The following TLN2 variants were observed in gnomAD, a reference collection of about 807,000 sequenced individuals.
The protein encoded by TLN2 is talin-2.
In TLN2, 118 loss-of-function variants were observed where a neutral mutation model predicts 294.7. That is an observed-to-expected ratio of 0.40 (90% CI 0.34 to 0.47). The LOEUF is 0.47. Among genes scored for constraint, TLN2 ranks in the 20% least tolerant of loss-of-function variants. The probability of loss-of-function intolerance (pLI) is 0.84; values close to 1 mark genes in which losing one functional copy is unlikely to be tolerated. For synonymous variants in TLN2, 1,431 were observed against 1,304.5 expected (o/e 1.10, Z -2.09); for missense variants, 3,083 against 3,282.2 (o/e 0.94, Z 1.48).
chr15:62,568,153 T>TG (rs1213022624), intron 1 of TLN2, among the ~76,000 whole-genome samples: 3 of 151,984 alleles, frequency 2.0e-5, no homozygotes, highest in Non-Finnish European at 4.4e-5. Flanking sequence ...GAGTGTGGCT[T>TG]GGGCAAGGAA....
At chr15:62,706,823 T>C (rs1365866493) in intron 19 of TLN2, among the ~76,000 whole-genome samples, 1 of 152,192 alleles carries the variant, frequency 6.6e-6, no homozygotes, top group African/African-American at 2.4e-5. Context: ...GAATCAGTGG[T>C]TAAAATAATG....
intron 1 of TLN2, among the ~76,000 whole-genome samples, chr15:62,462,081 A>G (rs1286013935): frequency 6.6e-6 from 1 of 151,912 alleles, no homozygotes; most frequent in Non-Finnish European, 1.5e-5. Context: ...TACAAAATAC[A>G]AAAATTAGCC....
intron 1 of TLN2, among the ~76,000 whole-genome samples, chr15:62,554,934 C>G (rs1044667866): frequency 1.3e-5 from 2 of 151,610 alleles, no homozygotes; most frequent in Admixed American, 1.3e-4. Flanking sequence ...AATTCGTGTA[C>G]ACTTGCTTTG....
At chr15:62,459,428 A>C (rs1259531313) in intron 1 of TLN2, among the ~76,000 whole-genome samples, 3 of 152,058 alleles carry the variant, frequency 2.0e-5, no homozygotes, top group African/African-American at 7.2e-5. Context: ...GTGTCTTATA[A>C]ATCAGTAACG....
chr15:62,531,558 A>G (rs985532956), intron 1 of TLN2, among the ~76,000 whole-genome samples: 5 of 152,234 alleles, frequency 3.3e-5, no homozygotes, highest in African/African-American at 9.6e-5. Flanking sequence ...TAAATTTCAG[A>G]TATTCTCACC....
chr15:62,780,088 C>T (rs2064026215), intron 43 of TLN2, among the ~76,000 whole-genome samples: 1 of 152,226 alleles, frequency 6.6e-6, no homozygotes, highest in Non-Finnish European at 1.5e-5. Flanking sequence ...GTCATGATTT[C>T]AAGGTTTTCC....
Position 62,708,576 on chromosome 15 carries a change from G to A in TLN2, c.2247G>A (p.Ser749=), listed in dbSNP as rs770627950. The A allele has an allele frequency of 8.1e-6, 13 of 1,614,064 alleles. No homozygotes were observed. Among genetic ancestry groups the A allele is most frequent in the African/African-American group, 6.7e-5 (5 of 74,926 alleles). The part of the protein sequence containing the change: ...LIEAGKLVDR[S]VENCVRACQA... ...AAGCAGGGAAGCTGGTGGACCGCTCGGTGGAGAACTGTGTCCGTGCCTGCC... is the reference window on the plus strand; with the variant it reads ...AAGCAGGGAAGCTGGTGGACCGCTCAGTGGAGAACTGTGTCCGTGCCTGCC... The change falls in exon 21 of 59, where the codon TCG becomes TCA. Residue 749 remains serine (S), a synonymous_variant. Transcript: ENST00000636159.
At chr15:62,777,514 C>A (rs1368270944) in intron 43 of TLN2, among the ~76,000 whole-genome samples, 1 of 138,184 alleles carries the variant, frequency 7.2e-6, no homozygotes, top group Non-Finnish European at 1.5e-5. Flanking sequence ...CTAGCCTGGG[C>A]AACGAGCGAA....
chr15:62,395,720 TC>T (rs2032490676), intron 1 of TLN2, among the ~76,000 whole-genome samples: 1 of 152,222 alleles, frequency 6.6e-6, no homozygotes, highest in Non-Finnish European at 1.5e-5. Context: ...ATAAGGTACA[TC>T]CATAGTATGG....
chr15:62,427,102 G>A lies in TLN2; in HGVS notation c.-238+36417G>A, dbSNP rs79272821. ...TTGGAGGTATCAGGAGCACCCCCGA[G>A]GTTATTGGCCTGGGTACTTCAGTGG... On this transcript the variant is annotated intron_variant, in intron 1 of 58. Transcript: ENST00000636159. Among the ~76,000 whole-genome samples, 285 of 152,272 alleles carry A rather than the reference G, an allele frequency of 1.9e-3. 2 individuals carry two copies. The highest frequency in any genetic ancestry group is 6.4e-3 in the African/African-American group (264 of 41,552).
chr15:62,589,708 A>C lies in TLN2; in HGVS notation c.-216A>C, dbSNP rs987985006. The C allele has an allele frequency of 6.6e-6, 1 of 152,224 alleles. No individual in the cohort carries two copies. The highest frequency in any genetic ancestry group is 6.5e-5 in the Admixed American group (1 of 15,288). The allele number at this position is 152,224 out of a possible 1,614,324, so 9.4% of individuals were successfully genotyped here. On this transcript the variant is annotated 5_prime_UTR_variant, in exon 2 of 59. The change abolishes an upstream ATG in the 5' untranslated region. Transcript: ENST00000636159. ...TTAGGTGCTGCAGGAGGCTTCTCACATGCTTTGGGATATCTTCAGGGAAAT... is the reference window on the plus strand; with the variant it reads ...TTAGGTGCTGCAGGAGGCTTCTCACCTGCTTTGGGATATCTTCAGGGAAAT...
chr15:62,752,455 G>C, intron 35 of TLN2, 28 bp downstream of exon 35: 1 of 1,611,150 alleles, frequency 6.2e-7, no homozygotes, highest in Non-Finnish European at 8.5e-7. Flanking sequence ...ATGCAGCCAT[G>C]TGCCCTGTGC....
At chr15:62,752,513 C>T in intron 35 of TLN2, 86 bp downstream of exon 35, 2 of 1,539,856 alleles carry the variant, frequency 1.3e-6, no homozygotes, top group East Asian at 4.6e-5. Flanking sequence ...ACCTCTTTCT[C>T]CAAGTACCAC....
intron 51 of TLN2, among the ~76,000 whole-genome samples, chr15:62,808,651 G>C (rs536516993): frequency 1.3e-5 from 2 of 152,322 alleles, no homozygotes; most frequent in African/African-American, 4.8e-5. Flanking sequence ...AAGTGACTCT[G>C]AGTAGCATCC....
rs555290018 is a variant in TLN2 at position 62,576,456 on chromosome 15, G to A, written c.-237-13231G>A. ...CCCAAAGGCACCTGCCAACCTCATA[G>A]GTTATTTTTTAGCAGGTGAGTTGTA... On this transcript the variant is annotated intron_variant, in intron 1 of 58. Coordinates refer to ENST00000636159, the MANE Select transcript of TLN2 (RefSeq NM_015059.3). Among the ~76,000 whole-genome samples the A allele has an allele frequency of 7.9e-5, 12 of 152,210 alleles. No individual in the cohort carries two copies. The South Asian group carries it at 2.3e-3, about 29-fold the overall frequency.
At chr15:62,744,567 G>T (rs1210333559) in intron 32 of TLN2, among the ~76,000 whole-genome samples, 7 of 151,536 alleles carry the variant, frequency 4.6e-5, no homozygotes, top group African/African-American at 9.7e-5. Context: ...TTTATTTTGA[G>T]ATGGAATTTC....
chr15:62,473,647 C>G (rs1190430661), intron 1 of TLN2, among the ~76,000 whole-genome samples: 1 of 152,188 alleles, frequency 6.6e-6, no homozygotes, highest in African/African-American at 2.4e-5. Context: ...GTGAAGAATC[C>G]TAGCAGAAGC....
chr15:62,578,491 C>T (rs551311386), intron 1 of TLN2, among the ~76,000 whole-genome samples: 2 of 152,198 alleles, frequency 1.3e-5, no homozygotes, highest in African/African-American at 2.4e-5. Flanking sequence ...CACTTGAACC[C>T]GGGAGGTGGA....
At chr15:62,614,089 T>C (rs2048125974) in intron 2 of TLN2, among the ~76,000 whole-genome samples, 1 of 152,202 alleles carries the variant, frequency 6.6e-6, no homozygotes, top group Admixed American at 6.5e-5. Context: ...AACTTATTTG[T>C]GTTCTATAAA....
Sources: gnomAD v4.1 joint callset for allele counts (sites outside exome capture counted in the v4.1 genomes callset) on GRCh38, gnomAD v4.1.1 for gene constraint, MANE v1.5 for transcripts, NCBI Gene and HGNC (gene_info 2026-07-23, HGNC 2026-07-21) for gene names.